The following PHACTR2 variants were observed in gnomAD, a reference collection of about 807,000 sequenced individuals.
PHACTR2 encodes phosphatase and actin regulator 2.
A neutral mutation model predicts 76.0 loss-of-function variants in PHACTR2; 30 were observed. That is an observed-to-expected ratio of 0.39 (90% confidence interval 0.30 to 0.54). PHACTR2 has a LOEUF of 0.54. PHACTR2 is among the 20% of genes least tolerant of loss of function. The pLI, the probability that PHACTR2 is intolerant of heterozygous loss-of-function variation, is 0.61. For synonymous variants in PHACTR2, 292 were observed against 292.5 expected (o/e 1.00, Z 0.02); for missense variants, 696 against 781.1 (o/e 0.89, Z 1.30).
chr6:143,657,954 G>A (rs953210365), intron 1 of PHACTR2, among the ~76,000 whole-genome samples: 2 of 152,064 alleles, frequency 1.3e-5, no homozygotes, highest in Non-Finnish European at 2.9e-5. Flanking sequence ...TTATTTCTGA[G>A]GGGGGGTCCA....
intron 1 of PHACTR2, chr6:143,711,734 C>G: frequency 1.6e-6 from 1 of 616,814 alleles, no homozygotes; most frequent in South Asian, 1.4e-5. Context: ...ATGGATTCAG[C>G]TGTGTTGCAC....
At chr6:143,594,072 G>C (rs1025408925) in intron 1 of PHACTR2, among the ~76,000 whole-genome samples, 22 of 152,152 alleles carry the variant, frequency 1.4e-4, no homozygotes, top group Admixed American at 3.9e-4. Flanking sequence ...AACTTTTTGA[G>C]AACCAATATG....
Position 143,794,589 on chromosome 6 carries a change from T to A in PHACTR2, c.1845+5679T>A, listed in dbSNP as rs1775784381. Among the ~76,000 whole-genome samples, 1 of 151,406 alleles carries A rather than the reference T, an allele frequency of 6.6e-6. No homozygotes were observed. Among genetic ancestry groups the A allele is most frequent in the African/African-American group, 2.4e-5 (1 of 41,128 alleles). On this transcript the variant is annotated intron_variant, in intron 11 of 12. Transcript: ENST00000440869. The surrounding 1 kb of genome is among the most constrained non-coding windows in gnomAD (Gnocchi z 4.1). ...TGGGTGGATCACTTGAGGTCAGGAG[T>A]TCAAGACCAGCCTGGCCAACATGGT...
At chr6:143,545,643 A>T (rs1458038828) in intron 1 of PHACTR2, among the ~76,000 whole-genome samples, 1 of 152,152 alleles carries the variant, frequency 6.6e-6, no homozygotes, top group Non-Finnish European at 1.5e-5. Flanking sequence ...GAAGGAATAG[A>T]ACCAAGACTC....
chr6:143,581,697 G>C lies in PHACTR2; in HGVS notation c.217+44490G>C, dbSNP rs913782128. Among the ~76,000 whole-genome samples the C allele has an allele frequency of 2.0e-5, 3 of 152,124 alleles. No individual in the cohort carries two copies. The highest frequency in any genetic ancestry group is 6.5e-5 in the Admixed American group (1 of 15,282). ...AATACGAACATTAGCTGGACATGGT[G>C]GTGGGTGCCTGTAATCCCAGCTAGT... On this transcript the variant is annotated intron_variant, in intron 1 of 11. Transcript: ENST00000367584. This position sits in a 1 kb window ranked among gnomAD's most constrained non-coding sequence, Gnocchi z 4.5.
At chr6:143,693,174 A>G (rs529615246) in intron 1 of PHACTR2, among the ~76,000 whole-genome samples, 1 of 152,260 alleles carries the variant, frequency 6.6e-6, no homozygotes, top group Non-Finnish European at 1.5e-5. Flanking sequence ...GGGAGTTAAG[A>G]CTTTAACGTA....
Position 143,818,022 on chromosome 6 carries a change from A to ATG in PHACTR2, c.1923-5648_1923-5647dup, listed in dbSNP as rs1776337278. On this transcript the variant is annotated intron_variant, in intron 12 of 12. Transcript: ENST00000440869. This position sits in a 1 kb window ranked among gnomAD's most constrained non-coding sequence, Gnocchi z 4.9. ...TGTTCCTGACACAAAGAAATGATAA[A>ATG]TGTGTAGGATGATTGATTTGCTAGT... Among the ~76,000 whole-genome samples, 1 of 152,228 alleles carries ATG rather than the reference A, an allele frequency of 6.6e-6. No individual in the cohort carries two copies. Among genetic ancestry groups the ATG allele is most frequent in the South Asian group, 2.1e-4 (1 of 4,836 alleles).
intron 12 of PHACTR2, among the ~76,000 whole-genome samples, chr6:143,814,657 C>A (rs1045585764): frequency 1.5e-5 from 2 of 137,878 alleles, no homozygotes; most frequent in African/African-American, 2.7e-5. Context: ...GGCTGGAGTG[C>A]AGTGGCGCCA....
chr6:143,766,105 TTTTAAATCTTTAC>T (rs1297385913), intron 6 of PHACTR2, among the ~76,000 whole-genome samples: 6 of 152,236 alleles, frequency 3.9e-5, no homozygotes, highest in Non-Finnish European at 8.8e-5. Flanking sequence ...TCAGTGCTTA[TTTTAAATCTTTAC>T]TTTACCATTG....
rs1469128355 is a variant in PHACTR2 at position 143,774,956 on chromosome 6, A to G, written c.1589+741A>G. On this transcript the variant is annotated intron_variant, in intron 8 of 12. Coordinates refer to ENST00000440869, the MANE Select transcript of PHACTR2 (RefSeq NM_001100164.2). The surrounding 1 kb of genome is among the most constrained non-coding windows in gnomAD (Gnocchi z 5.4). ...TATTTTTGATGATCAGTTTAAGCACATGTAAGAATTAGTTGTTCTGCTGAC... is the reference window on the plus strand; with the variant it reads ...TATTTTTGATGATCAGTTTAAGCACGTGTAAGAATTAGTTGTTCTGCTGAC... Among the ~76,000 whole-genome samples, 1 of 152,206 alleles carries G rather than the reference A, an allele frequency of 6.6e-6. No individual in the cohort carries two copies. Among genetic ancestry groups the G allele is most frequent in the Non-Finnish European group, 1.5e-5 (1 of 68,038 alleles).
At position 143,793,956 on chromosome 6, in the gene PHACTR2, A is replaced by G. The variant is rs1775772155; in HGVS notation, c.1845+5046A>G. 6.6e-6 allele frequency among the ~76,000 whole-genome samples: 1 copy of G among 152,044 alleles called. No homozygotes were observed. The highest frequency in any genetic ancestry group is 1.5e-5 in the Non-Finnish European group (1 of 68,012). ...TAATATGGTACACTTTTTAAAGATA[A>G]AAAATAGAAAAATGCAACAATTTAA... On this transcript the variant is annotated intron_variant, in intron 11 of 12. Transcript: ENST00000440869. This position sits in a 1 kb window ranked among gnomAD's most constrained non-coding sequence, Gnocchi z 4.4.
chr6:143,737,298 T>G (rs905452604), intron 2 of PHACTR2, among the ~76,000 whole-genome samples: 1 of 151,566 alleles, frequency 6.6e-6, no homozygotes, highest in African/African-American at 2.4e-5. Flanking sequence ...AAATTAAATT[T>G]TATTTATTAT....
chr6:143,746,700 T>C (rs1011149498), intron 2 of PHACTR2, among the ~76,000 whole-genome samples: 1 of 152,180 alleles, frequency 6.6e-6, no homozygotes, highest in Non-Finnish European at 1.5e-5. Flanking sequence ...ATCCCAGCAG[T>C]GTCCCACCTG....
Position 143,543,006 on chromosome 6 carries a change from A to G in PHACTR2, c.217+5799A>G, listed in dbSNP as rs1326027580. ...CCAGGTACTGTTCCAGGCACTGGGCATACAAAGGTGAGCAGATGTGATTCT... is the reference window on the plus strand; with the variant it reads ...CCAGGTACTGTTCCAGGCACTGGGCGTACAAAGGTGAGCAGATGTGATTCT... On this transcript the variant is annotated intron_variant, in intron 1 of 11. Transcript: ENST00000367584. The surrounding 1 kb of genome is among the most constrained non-coding windows in gnomAD (Gnocchi z 4.7). 6.6e-6 allele frequency among the ~76,000 whole-genome samples: 1 copy of G among 152,230 alleles called. No homozygotes were observed. Among genetic ancestry groups the G allele is most frequent in the Non-Finnish European group, 1.5e-5 (1 of 68,032 alleles).
chr6:143,808,733 A>G (rs1275501118), intron 12 of PHACTR2, among the ~76,000 whole-genome samples: 1 of 152,020 alleles, frequency 6.6e-6, no homozygotes, highest in African/African-American at 2.4e-5. Context: ...TTCCTCCTAT[A>G]TCATTTGTTT....
In PHACTR2 at chr6:143,819,333, A is replaced by G. The variant is rs1338228090; in HGVS notation, c.1923-4341A>G. ...TCAGATAGTGCTAAGGACTGTGAAG[A>G]AAAGGTAATAGGACAGGGGTGGGTA... is the stretch of plus-strand genomic sequence containing the variant. On this transcript the variant is annotated intron_variant, in intron 12 of 12. Coordinates refer to ENST00000440869, the MANE Select transcript of PHACTR2 (RefSeq NM_001100164.2). This position sits in a 1 kb window ranked among gnomAD's most constrained non-coding sequence, Gnocchi z 5.0. 1.3e-5 allele frequency among the ~76,000 whole-genome samples: 2 copies of G among 152,220 alleles called. No homozygotes were observed. Among genetic ancestry groups the G allele is most frequent in the African/African-American group, 4.8e-5 (2 of 41,452 alleles).
rs946914610 is a variant in PHACTR2 at position 143,678,242 on chromosome 6, C to G, written c.46+33C>G. 13 of 1,460,558 alleles carry G rather than the reference C, an allele frequency of 8.9e-6. No homozygotes were observed. Among genetic ancestry groups the G allele is most frequent in the Non-Finnish European group, 9.0e-6 (10 of 1,107,730 alleles). The allele number at this position is 1,460,558 out of a possible 1,614,324, so 90.5% of individuals were successfully genotyped here. On this transcript the variant is annotated intron_variant, in intron 1 of 12. Coordinates refer to ENST00000440869, the MANE Select transcript of PHACTR2 (RefSeq NM_001100164.2). This position sits in a 1 kb window ranked among gnomAD's most constrained non-coding sequence, Gnocchi z 6.2. ...CGGGGCGCACGCGATGCGCTCCCGC[C>G]GCGCGGGCGCAGGGCTGGCGGCGGG...
At chr6:143,785,094 C>T (rs1217380993) in intron 10 of PHACTR2, among the ~76,000 whole-genome samples, 2 of 152,124 alleles carry the variant, frequency 1.3e-5, no homozygotes, top group Non-Finnish European at 2.9e-5. Context: ...TCGGCAGTAT[C>T]CCAAAATCCA....
At chr6:143,587,061 T>G (rs1362759593) in intron 1 of PHACTR2, among the ~76,000 whole-genome samples, 1 of 152,144 alleles carries the variant, frequency 6.6e-6, no homozygotes, top group African/African-American at 2.4e-5. Context: ...CTTTTCCTGT[T>G]TAGAAAAAAA....
Sources: gnomAD v4.1 joint callset for allele counts (sites outside exome capture counted in the v4.1 genomes callset) on GRCh38, gnomAD v4.1.1 for gene constraint, Gnocchi (gnomAD v3.1) non-coding constraint, MANE v1.5 for transcripts, NCBI Gene and HGNC (gene_info 2026-07-23, HGNC 2026-07-21) for gene names.